RGL1: variants seen among roughly 807,000 people sequenced by gnomAD.
RGL1 encodes ral guanine nucleotide dissociation stimulator like 1.
RGL1 carries 24 observed loss-of-function variants against 95.2 expected under a neutral mutation model. The observed-to-expected ratio is 0.25, with a 90% confidence interval of 0.18 to 0.35. The LOEUF is 0.35. Among genes scored for constraint, RGL1 ranks in the 10% least tolerant of loss-of-function variants. The pLI, the probability that RGL1 is intolerant of heterozygous loss-of-function variation, is 1.00. For missense variants in RGL1, 715 were observed against 936.3 expected (o/e 0.76, Z 3.08); for synonymous variants, 329 against 344.9 (o/e 0.95, Z 0.51).
intron 2 of RGL1, among the ~76,000 whole-genome samples, chr1:183,756,942 G>A (rs563570835): frequency 2.6e-5 from 4 of 151,682 alleles, no homozygotes; most frequent in African/African-American, 9.7e-5. Context: ...GTAACATCAA[G>A]CAGAATGTTG....
chr1:183,737,321 G>A (rs1657000973), intron 1 of RGL1, among the ~76,000 whole-genome samples: 1 of 152,236 alleles, frequency 6.6e-6, no homozygotes, highest in South Asian at 2.1e-4. Flanking sequence ...CTTAGGGTAT[G>A]AAGCCATCAG....
At chr1:183,841,491 C>A (rs527653208) in intron 2 of RGL1, among the ~76,000 whole-genome samples, 2 of 152,270 alleles carry the variant, frequency 1.3e-5, no homozygotes, top group Non-Finnish European at 2.9e-5. Context: ...GTTAAGTTTG[C>A]CACTATTTTT....
At chr1:183,791,805 C>T (rs1348168749) in intron 2 of RGL1, among the ~76,000 whole-genome samples, 2 of 152,174 alleles carry the variant, frequency 1.3e-5, no homozygotes, top group Non-Finnish European at 2.9e-5. Context: ...ATTTTCATAA[C>T]TCAAGTTCTT....
At chr1:183,719,152 G>C (rs916470650) in intron 1 of RGL1, among the ~76,000 whole-genome samples, 1 of 152,166 alleles carries the variant, frequency 6.6e-6, no homozygotes, top group African/African-American at 2.4e-5. Flanking sequence ...GTGAAATCTA[G>C]CCCTTTGCTG....
intron 1 of RGL1, among the ~76,000 whole-genome samples, chr1:183,702,534 T>G (rs1439518238): frequency 6.6e-6 from 1 of 152,184 alleles, no homozygotes; most frequent in Non-Finnish European, 1.5e-5. Flanking sequence ...TTGATTCACA[T>G]GGAAGGTGGT....
intron 1 of RGL1, among the ~76,000 whole-genome samples, chr1:183,638,401 C>G (rs1052695102): frequency 6.6e-6 from 1 of 152,134 alleles, no homozygotes; most frequent in Non-Finnish European, 1.5e-5. Context: ...AGGTACTCAA[C>G]GTGTTTCTAG....
At chr1:183,812,897 G>T (rs536698313) in intron 2 of RGL1, among the ~76,000 whole-genome samples, 1 of 152,314 alleles carries the variant, frequency 6.6e-6, no homozygotes, top group Non-Finnish European at 1.5e-5. Flanking sequence ...AGGAAAGGGG[G>T]CTGGAGAGAA....
chr1:183,827,521 G>T lies in RGL1; in HGVS notation c.139-20045G>T, dbSNP rs560944605. ...TACTCTCATGTCTTTTTGGCAAAAT[G>T]AATGAGTAAGTGCTTCTAAATTACT... On this transcript the variant is annotated intron_variant, in intron 2 of 17. Coordinates refer to ENST00000360851, the MANE Select transcript of RGL1 (RefSeq NM_001297671.3). Among the ~76,000 whole-genome samples the T allele has an allele frequency of 2.0e-3, 300 of 152,338 alleles. 1 individual carries two copies. The highest frequency in any genetic ancestry group is 7.0e-3 in the African/African-American group (290 of 41,578).
Position 183,805,126 on chromosome 1 carries a change from C to T in RGL1, c.-172C>T. The T allele has an allele frequency of 1.3e-6, 1 of 793,516 alleles. No individual in the cohort carries two copies. The highest frequency in any genetic ancestry group is 1.7e-6 in the Non-Finnish European group (1 of 573,746). 49.2% of individuals were successfully genotyped at this position (793,516 alleles called of 1,614,324 possible). Reference sequence around the variant, plus strand: ...CGCTCGCCGCGCTCCCTTTGTGGCCCGAGTCGCGCGCACCGGCGGCGGCGG... The same window carrying T: ...CGCTCGCCGCGCTCCCTTTGTGGCCTGAGTCGCGCGCACCGGCGGCGGCGG... On this transcript the variant is annotated 5_prime_UTR_variant, in exon 1 of 18. Transcript: ENST00000360851.
chr1:183,666,296 C>T (rs574486477), intron 1 of RGL1, among the ~76,000 whole-genome samples: 16 of 152,144 alleles, frequency 1.1e-4, no homozygotes, highest in South Asian at 4.2e-4. Flanking sequence ...TGAGCCACCG[C>T]GCCTGGGCCT....
chr1:183,926,063 C>A, intron 17 of RGL1, 42 bp from the exon 18 acceptor site: 1 of 1,570,002 alleles, frequency 6.4e-7, no homozygotes, highest in Non-Finnish European at 8.7e-7. Context: ...ACTGAGCTGA[C>A]CTCCACAAGC....
At chr1:183,711,306 A>C (rs1040884415) in intron 1 of RGL1, among the ~76,000 whole-genome samples, 3 of 152,202 alleles carry the variant, frequency 2.0e-5, no homozygotes, top group Non-Finnish European at 4.4e-5. Flanking sequence ...CCCAGATTCC[A>C]GAGGACATCT....
chr1:183,717,443 T>C (rs1255282027), intron 1 of RGL1, among the ~76,000 whole-genome samples: 1 of 152,234 alleles, frequency 6.6e-6, no homozygotes, highest in Non-Finnish European at 1.5e-5. Flanking sequence ...AGTAATAATT[T>C]ATGAAAAGTA....
intron 2 of RGL1, among the ~76,000 whole-genome samples, chr1:183,830,754 A>G (rs1663204570): frequency 6.6e-6 from 1 of 152,196 alleles, no homozygotes; most frequent in Non-Finnish European, 1.5e-5. Context: ...TTGGTCTTCA[A>G]AAAAATCTCA....
At chr1:183,922,558 C>T (rs191728080) in intron 17 of RGL1, among the ~76,000 whole-genome samples, 5 of 152,148 alleles carry the variant, frequency 3.3e-5, no homozygotes, top group East Asian at 1.9e-4. Flanking sequence ...GTTTTTCCTG[C>T]GATTTTGATG....
At chr1:183,901,096 C>T (rs192640412) in intron 11 of RGL1, among the ~76,000 whole-genome samples, 18 of 151,896 alleles carry the variant, frequency 1.2e-4, no homozygotes, top group Non-Finnish European at 1.9e-4. Context: ...GTCAGGAGTT[C>T]GAGACCACCC....
At chr1:183,746,634 TTTTTA>T (rs2102270108) in intron 2 of RGL1, among the ~76,000 whole-genome samples, 1 of 151,524 alleles carries the variant, frequency 6.6e-6, no homozygotes, top group East Asian at 1.9e-4. Context: ...TTTTTTTTTT[TTTTTA>T]GTTTTCTTAT....
At chr1:183,818,364 G>A (rs972898593) in intron 2 of RGL1, among the ~76,000 whole-genome samples, 4 of 152,194 alleles carry the variant, frequency 2.6e-5, no homozygotes, top group Non-Finnish European at 5.9e-5. Flanking sequence ...TCACATTTAT[G>A]TGCAGCTCTC....
At chr1:183,678,911 A>C (rs868349208) in intron 1 of RGL1, among the ~76,000 whole-genome samples, 1 of 152,202 alleles carries the variant, frequency 6.6e-6, no homozygotes, top group Non-Finnish European at 1.5e-5. Flanking sequence ...TACAAGCCCA[A>C]AATAGTTACT....
Sources: gnomAD v4.1 joint callset for allele counts (sites outside exome capture counted in the v4.1 genomes callset) on GRCh38, gnomAD v4.1.1 for gene constraint, MANE v1.5 for transcripts, NCBI Gene and HGNC (gene_info 2026-07-23, HGNC 2026-07-21) for gene names.